The following GDAP1L1 variants were observed in gnomAD, a reference collection of about 807,000 sequenced individuals.
GDAP1L1 encodes ganglioside induced differentiation associated protein 1 like 1, also known as ganglioside-induced differentiation-associated protein 1-like 1.
Under a neutral mutation model 37.1 loss-of-function variants are expected in GDAP1L1, and 21 were observed. The ratio of observed to expected loss-of-function variants is 0.57; its 90% CI spans 0.40 to 0.81. The LOEUF is 0.81. Among genes scored for constraint, GDAP1L1 ranks in the 40% least tolerant of loss-of-function variants. GDAP1L1 has a pLI of 0.00. For missense variants in GDAP1L1, 362 were observed against 491.6 expected (o/e 0.74, Z 2.49); for synonymous variants, 193 against 209.1 (o/e 0.92, Z 0.67).
Position 44,250,879 on chromosome 20 carries a change from T to C in GDAP1L1, c.180+3365T>C, listed in dbSNP as rs373298521. Among the ~76,000 whole-genome samples the C allele has an allele frequency of 5.9e-5, 9 of 152,238 alleles. No homozygotes were observed. The South Asian group carries it at 8.3e-4, about 14-fold the overall frequency. ...AAGGTTCTAGTGCTGCCAGTCCCAC[T>C]AACTGGCTGTGTGACCTGACCCTCT... On this transcript the variant is annotated intron_variant, in intron 1 of 5. Coordinates refer to ENST00000342560, the MANE Select transcript of GDAP1L1 (RefSeq NM_024034.6).
upstream of GDAP1L1, chr20:44,247,247 G>A: frequency 7.5e-7 from 1 of 1,326,328 alleles, no homozygotes; most frequent in Non-Finnish European, 1.1e-6. Flanking sequence ...GAGGAGAGGG[G>A]CAGGCTCGGC....
chr20:44,270,783 G>A (rs1484194001), intron 5 of GDAP1L1, among the ~76,000 whole-genome samples: 2 of 152,186 alleles, frequency 1.3e-5, no homozygotes, highest in Non-Finnish European at 2.9e-5. Flanking sequence ...GGCTTTCCCT[G>A]AGCAAGTTAT....
At position 44,258,556 on chromosome 20, in the gene GDAP1L1, G is replaced by C. The variant is rs1286470163; in HGVS notation, c.496G>C (p.Glu166Gln). Reference protein sequence around the residue: ...AYTHGCILHPELTTDSMIPKY... With the variant: ...AYTHGCILHPQLTTDSMIPKY... ...CACGCATGGCTGCATCCTGCATCCCGAGCTCACCACCGACTCCATGATCCC... is the reference window on the plus strand; with the variant it reads ...CACGCATGGCTGCATCCTGCATCCCCAGCTCACCACCGACTCCATGATCCC... The change falls in exon 3 of 6, where the codon GAG (glutamate) becomes CAG (glutamine). Residue 166 changes from glutamate (E) to glutamine (Q), a missense_variant. Glu to Gln is a conservative substitution (Grantham distance 29, BLOSUM62 2). Around this residue, in one of 2 missense-constraint regions of GDAP1L1, gnomAD observed 277 missense variants for 337.1 expected, o/e 0.82. Transcript: ENST00000342560. 3.1e-6 allele frequency: 5 copies of C among 1,596,360 alleles called. No homozygotes were observed. Among genetic ancestry groups the C allele is most frequent in the Non-Finnish European group, 4.3e-6 (5 of 1,172,374 alleles).
chr20:44,264,915 A>T, intron 5 of GDAP1L1: 1 of 1,062,832 alleles, frequency 9.4e-7, no homozygotes, highest in African/African-American at 1.7e-5. Context: ...GATGATGTTA[A>T]GAGGCAGCTC....
At chr20:44,264,168 A>T (rs1288710397) in intron 4 of GDAP1L1, among the ~76,000 whole-genome samples, 1 of 152,124 alleles carries the variant, frequency 6.6e-6, no homozygotes, top group African/African-American at 2.4e-5. Context: ...GCAGCTCCTT[A>T]TTGGCTGAGA....
intron 4 of GDAP1L1, 139 bp from the exon 5 acceptor site, chr20:44,264,306 A>C: frequency 8.3e-7 from 1 of 1,198,588 alleles, no homozygotes; most frequent in South Asian, 2.8e-5. Flanking sequence ...GTGCTTCATA[A>C]CGGGGGGGCA....
chr20:44,265,329 T>C, intron 5 of GDAP1L1: 5 of 985,448 alleles, frequency 5.1e-6, no homozygotes, highest in Non-Finnish European at 6.0e-6. Context: ...CCATTTTGCC[T>C]GTTGCACACC....
intron 3 of GDAP1L1, among the ~76,000 whole-genome samples, chr20:44,258,966 GC>G (rs1555799438): frequency 4.2e-4 from 42 of 99,594 alleles, no homozygotes; most frequent in African/African-American, 1.3e-3. Flanking sequence ...CTCTTGTCCT[GC>G]CCCCCCCATA....
At chr20:44,258,683 C>T (rs2073613025) in intron 3 of GDAP1L1, 76 bp downstream of exon 3, 3 of 1,091,110 alleles carry the variant, frequency 2.7e-6, no homozygotes, top group Middle Eastern at 2.1e-4. Context: ...GGATGTCCTC[C>T]CTCTCCTGGG....
At chr20:44,258,631 G>C in intron 3 of GDAP1L1, 24 bp downstream of exon 3, 1 of 1,551,736 alleles carries the variant, frequency 6.4e-7, no homozygotes, top group Non-Finnish European at 8.8e-7. Context: ...CGGCGAGACA[G>C]CCCCTCTGCT....
Position 44,257,201 on chromosome 20 carries a change from G to C in GDAP1L1, c.229G>C (p.Val77Leu). ...EKGLVCEERD[V>L]SLPQSEHKEP... ...GGGCCTGGTGTGCGAGGAGCGGGAC[G>C]TGAGCCTGCCACAGAGCGAGCACAA... The change falls in exon 2 of 6, where the codon GTG becomes CTG. Residue 77 changes from valine to leucine, a missense_variant. This residue lies in a region of GDAP1L1 where 277 missense variants were observed against 337.1 expected (regional missense o/e 0.82). Transcript: ENST00000342560. The C allele has an allele frequency of 1.2e-6, 2 of 1,609,722 alleles. No individual in the cohort carries two copies. The highest frequency in any genetic ancestry group is 2.7e-5 in the African/African-American group (2 of 74,980).
intron 1 of GDAP1L1, among the ~76,000 whole-genome samples, chr20:44,255,313 A>G (rs552999857): frequency 6.6e-6 from 1 of 152,064 alleles, no homozygotes; most frequent in Non-Finnish European, 1.5e-5. Flanking sequence ...AGGTCAAGAC[A>G]GGTGGATCGC....
intron 5 of GDAP1L1, among the ~76,000 whole-genome samples, chr20:44,272,957 A>G (rs2062535772): frequency 6.6e-6 from 1 of 152,096 alleles, no homozygotes; most frequent in Non-Finnish European, 1.5e-5. Context: ...TCTATGCGGG[A>G]TACAGACGCA....
intron 3 of GDAP1L1, 91 bp from the exon 4 acceptor site, chr20:44,263,139 T>C: frequency 1.1e-6 from 1 of 936,850 alleles, no homozygotes; most frequent in South Asian, 1.3e-5. Flanking sequence ...GACCAGTGTT[T>C]GGATGGGGCC....
chr20:44,264,748 G>T, intron 5 of GDAP1L1, 189 bp downstream of exon 5: 1 of 1,284,326 alleles, frequency 7.8e-7, no homozygotes, highest in East Asian at 3.3e-5. Context: ...AATGTGGTCA[G>T]GTTCTCCCCT....
Position 44,280,782 on chromosome 20 carries a change from A to G in GDAP1L1, c.*1482A>G, listed in dbSNP as rs1233602981. On this transcript the variant is annotated 3_prime_UTR_variant, in exon 6 of 6. Coordinates refer to ENST00000342560, the MANE Select transcript of GDAP1L1 (RefSeq NM_024034.6). ...ATCTCTAGAAAATAAAATAAAATAA[A>G]CCTATATATGGACCTCAGGGGGCAC... The G allele has an allele frequency of 6.6e-6, 1 of 151,924 alleles. No individual in the cohort carries two copies. The highest frequency in any genetic ancestry group is 1.5e-5 in the Non-Finnish European group (1 of 67,976). 9.4% of individuals were successfully genotyped at this position (151,924 alleles called of 1,614,324 possible). A position where few individuals can be genotyped will look rare whatever the true frequency, so the allele number is the denominator to read the frequency against.
In GDAP1L1 at chr20:44,252,763, C is replaced by T. The variant is rs117863280; in HGVS notation, c.181-4390C>T. On this transcript the variant is annotated intron_variant, in intron 1 of 5. Transcript: ENST00000342560. ...GATTGAATCCAGGAGATGGAGGTTG[C>T]GGTGAGCTGAGATTGCACCATTGAA... Among the ~76,000 whole-genome samples the T allele has an allele frequency of 1.0e-3, 157 of 150,364 alleles. 2 individuals are homozygous for T. The East Asian group carries it at 0.026, about 25-fold the overall frequency.
chr20:44,256,182 C>T (rs543714575), intron 1 of GDAP1L1, among the ~76,000 whole-genome samples: 57 of 152,224 alleles, frequency 3.7e-4, no homozygotes, highest in African/African-American at 1.3e-3. Flanking sequence ...CATCTCTGGG[C>T]TTTAGTTTTC....
At chr20:44,254,534 C>T (rs1398407230) in intron 1 of GDAP1L1, among the ~76,000 whole-genome samples, 2 of 152,244 alleles carry the variant, frequency 1.3e-5, no homozygotes, top group Non-Finnish European at 2.9e-5. Flanking sequence ...TGTCAGCTTG[C>T]AGCAGGGCTG....
Sources: allele counts gnomAD v4.1 joint callset (sites outside exome capture counted in the v4.1 genomes callset), GRCh38; gene constraint gnomAD v4.1.1; regional missense constraint gnomAD v4.1.1; transcripts MANE v1.5; gene names NCBI Gene and HGNC (gene_info 2026-07-23, HGNC 2026-07-21).